The following ZNHIT6 variants were observed in gnomAD, a reference collection of about 807,000 sequenced individuals.
The protein encoded by ZNHIT6 is zinc finger HIT-type containing 6, also known as box C/D snoRNA protein 1.
Under a neutral mutation model 57.2 loss-of-function variants are expected in ZNHIT6, and 45 were observed. The ratio of observed to expected loss-of-function variants is 0.79; its 90% confidence interval spans 0.62 to 1.01. The LOEUF is 1.01. Among genes scored for constraint, ZNHIT6 ranks in the 50% least tolerant of loss-of-function variants. ZNHIT6 has a pLI of 0.00. For missense variants in ZNHIT6, 528 were observed against 567.3 expected, an observed-to-expected ratio of 0.93 and a Z score of 0.70; for synonymous variants, 188 against 190.0, an observed-to-expected ratio of 0.99 and a Z score of 0.09.
At chr1:85,700,901 T>C (rs1041585314) in intron 5 of ZNHIT6, among the ~76,000 whole-genome samples, 2 of 152,066 alleles carry the variant, frequency 1.3e-5, no homozygotes, top group African/African-American at 2.4e-5. Context: ...CCGCCTCCTG[T>C]GCTCAAGGGA....
intron 5 of ZNHIT6, among the ~76,000 whole-genome samples, chr1:85,696,598 G>A (rs1249204784): frequency 2.0e-5 from 3 of 151,922 alleles, no homozygotes; most frequent in African/African-American, 4.8e-5. Flanking sequence ...CTACAAATAC[G>A]TTTGTAGGCT....
chr1:85,681,608 C>T (rs1407405410), intron 5 of ZNHIT6, among the ~76,000 whole-genome samples: 1 of 152,150 alleles, frequency 6.6e-6, no homozygotes, highest in Non-Finnish European at 1.5e-5. Flanking sequence ...GAAGAAATTT[C>T]TAACAATCCA....
chr1:85,656,681 C>A (rs553663306), intron 9 of ZNHIT6, among the ~76,000 whole-genome samples: 2 of 152,114 alleles, frequency 1.3e-5, no homozygotes, highest in East Asian at 3.9e-4. Context: ...GAAAAAAATT[C>A]TCAAATTGTG....
chr1:85,683,875 T>C (rs1482259046), intron 5 of ZNHIT6, among the ~76,000 whole-genome samples: 1 of 152,072 alleles, frequency 6.6e-6, no homozygotes, highest in Non-Finnish European at 1.5e-5. Flanking sequence ...GCAGGACGTT[T>C]AGCAGCATCC....
At chr1:85,697,368 A>C (rs1570328853) in intron 5 of ZNHIT6, among the ~76,000 whole-genome samples, 3 of 4,226 alleles carry the variant, frequency 7.1e-4, no homozygotes, top group Admixed American at 6.2e-3. Flanking sequence ...TTCTCTTCAA[A>C]TTATGAAAAT....
intron 8 of ZNHIT6, among the ~76,000 whole-genome samples, chr1:85,672,746 T>A (rs1299348167): frequency 1.3e-5 from 2 of 151,354 alleles, no homozygotes; most frequent in African/African-American, 4.8e-5. Context: ...TACTTAATGG[T>A]TTTTTTTGAA....
intron 5 of ZNHIT6, among the ~76,000 whole-genome samples, chr1:85,694,594 TG>T (rs2100706539): frequency 6.6e-6 from 1 of 152,302 alleles, no homozygotes; most frequent in Admixed American, 6.5e-5. Flanking sequence ...CCCGCGTAGC[TG>T]GGATTACAGG....
chr1:85,703,884 G>A (rs980638810), intron 4 of ZNHIT6, among the ~76,000 whole-genome samples: 1 of 152,140 alleles, frequency 6.6e-6, no homozygotes, highest in Non-Finnish European at 1.5e-5. Flanking sequence ...CAACCAACTT[G>A]CACTAGCATC....
rs1266532246 is a variant in ZNHIT6 at position 85,707,664 on chromosome 1, G to A, written c.621C>T (p.His207=). The A allele has an allele frequency of 1.3e-6, 2 of 1,562,800 alleles. No homozygotes were observed. The highest frequency in any genetic ancestry group is 2.2e-5 in the East Asian group (1 of 44,634). The change falls in exon 1 of 10, where the codon CAC becomes CAT. Residue 207 remains histidine, a synonymous_variant. Coordinates refer to ENST00000370574, the MANE Select transcript of ZNHIT6 (RefSeq NM_017953.4). ...CCAGTTTCCGCTTGCAGCCCACCGG[G>A]TGATTTATCGGAGGCTCTTCTTTCA... ...TKVKEEPPIN[H]PVGCKRKLAM...
chr1:85,685,440 A>G (rs190495345), intron 5 of ZNHIT6, among the ~76,000 whole-genome samples: 1 of 152,318 alleles, frequency 6.6e-6, no homozygotes, highest in African/African-American at 2.4e-5. Flanking sequence ...AGGTTTATAC[A>G]TATATTGGCA....
intron 8 of ZNHIT6, among the ~76,000 whole-genome samples, chr1:85,660,008 A>T (rs992221572): frequency 2.0e-5 from 3 of 152,208 alleles, no homozygotes; most frequent in African/African-American, 7.2e-5. Flanking sequence ...TGTGTAATGT[A>T]ATACAGATGT....
At chr1:85,659,753 A>G (rs1222459813) in intron 8 of ZNHIT6, among the ~76,000 whole-genome samples, 5 of 152,216 alleles carry the variant, frequency 3.3e-5, no homozygotes, top group Admixed American at 3.3e-4. Context: ...AATCGTTTTC[A>G]AATCAGGAAA....
intron 5 of ZNHIT6, among the ~76,000 whole-genome samples, chr1:85,682,107 G>A (rs1033644898): frequency 4.1e-5 from 6 of 147,664 alleles, no homozygotes; most frequent in East Asian, 2.0e-4. Context: ...TCCGCCTCCC[G>A]GATTCACACC....
In ZNHIT6 at chr1:85,667,705, G is replaced by T. The variant is rs577008061; in HGVS notation, c.1247+9531C>A. ...CCCAGCACTTTGGGAGGCTGAGGCA[G>T]GCAGATCACTTGAGGCCAGCAGTTT... On this transcript the variant is annotated intron_variant, in intron 8 of 9. Coordinates refer to ENST00000370574, the MANE Select transcript of ZNHIT6 (RefSeq NM_017953.4). 4.6e-4 allele frequency among the ~76,000 whole-genome samples: 68 copies of T among 149,274 alleles called. No homozygotes were observed. The Middle Eastern group carries it at 0.018, about 39-fold the overall frequency.
At chr1:85,694,460 T>C (rs1342403895) in intron 5 of ZNHIT6, among the ~76,000 whole-genome samples, 1 of 96,884 alleles carries the variant, frequency 1.0e-5, no homozygotes, top group Non-Finnish European at 1.9e-5. Flanking sequence ...TTCAAATTTT[T>C]CGTTTTTCTT....
intron 5 of ZNHIT6, among the ~76,000 whole-genome samples, chr1:85,684,854 A>G (rs1661980189): frequency 6.6e-6 from 1 of 152,234 alleles, no homozygotes; most frequent in African/African-American, 2.4e-5. Context: ...AAATTTTCGT[A>G]TGGGGAATAC....
At chr1:85,687,036 G>A (rs917344705) in intron 5 of ZNHIT6, among the ~76,000 whole-genome samples, 7 of 151,544 alleles carry the variant, frequency 4.6e-5, no homozygotes, top group Non-Finnish European at 8.8e-5. Flanking sequence ...TTGGGAGGCC[G>A]AGATGGGTGG....
intron 5 of ZNHIT6, among the ~76,000 whole-genome samples, chr1:85,688,036 C>T (rs1415302719): frequency 2.8e-5 from 4 of 144,628 alleles, no homozygotes; most frequent in African/African-American, 7.7e-5. Flanking sequence ...AGTGAGACTC[C>T]GTCTCAAAAA....
At chr1:85,704,884 G>A (rs1383267360) in intron 4 of ZNHIT6, among the ~76,000 whole-genome samples, 1 of 152,134 alleles carries the variant, frequency 6.6e-6, no homozygotes, top group Non-Finnish European at 1.5e-5. Context: ...TTCCAAATAT[G>A]TAAGCTTTAA....
Sources: gnomAD v4.1 joint callset for allele counts (sites outside exome capture counted in the v4.1 genomes callset) on GRCh38, gnomAD v4.1.1 for gene constraint, MANE v1.5 for transcripts, NCBI Gene and HGNC (gene_info 2026-07-23, HGNC 2026-07-21) for gene names.